The following GALNT16 variants were observed in gnomAD, a reference collection of about 807,000 sequenced individuals.
GALNT16 encodes UDP-GalNAc:polypeptide N-acetylgalactosaminyltransferase-like protein 1.
A neutral mutation model predicts 76.1 loss-of-function variants in GALNT16; 40 were observed. The ratio of observed to expected loss-of-function variants is 0.53; its 90% confidence interval spans 0.41 to 0.68. GALNT16 has a LOEUF of 0.68. Among genes scored for constraint, GALNT16 ranks in the 30% least tolerant of loss-of-function variants. The probability of loss-of-function intolerance (pLI) is 0.00; values close to 1 mark genes in which losing one functional copy is unlikely to be tolerated. For synonymous variants in GALNT16, 276 were observed against 285.2 expected (o/e 0.97, Z 0.32); for missense variants, 621 against 731.9 (o/e 0.85, Z 1.75).
At chr14:69,330,925 T>TG (rs1205370700) in intron 6 of GALNT16, among the ~76,000 whole-genome samples, 2 of 152,172 alleles carry the variant, frequency 1.3e-5, no homozygotes, top group Non-Finnish European at 2.9e-5. Flanking sequence ...ACAGTGGATG[T>TG]GGTATGAGAG....
At chr14:69,314,664 A>G (rs960554196) in intron 1 of GALNT16, among the ~76,000 whole-genome samples, 2 of 152,238 alleles carry the variant, frequency 1.3e-5, no homozygotes, top group African/African-American at 4.8e-5. Flanking sequence ...TGAGACCTTG[A>G]GCTCAGAGAT....
chr14:69,269,094 T>C (rs1329517782), intron 1 of GALNT16, among the ~76,000 whole-genome samples: 3 of 152,196 alleles, frequency 2.0e-5, no homozygotes, highest in South Asian at 2.1e-4. Flanking sequence ...TCCAGCAAGA[T>C]GGTCAAATTT....
At chr14:69,276,452 G>A (rs908738068) in intron 1 of GALNT16, among the ~76,000 whole-genome samples, 14 of 152,306 alleles carry the variant, frequency 9.2e-5, no homozygotes, top group Non-Finnish European at 1.9e-4. Context: ...GGAGGCCGAG[G>A]TGGGCGGATC....
intron 12 of GALNT16, 100 bp from the exon 13 acceptor site, chr14:69,346,940 C>G (rs188262957): frequency 2.7e-6 from 4 of 1,477,236 alleles, no homozygotes; most frequent in Middle Eastern, 1.8e-4. Context: ...CCACGGAGAC[C>G]TCGGCGCTCC....
chr14:69,322,059 A>G (rs1001519009), intron 2 of GALNT16, among the ~76,000 whole-genome samples: 19 of 152,232 alleles, frequency 1.2e-4, no homozygotes, highest in African/African-American at 4.6e-4. Context: ...CCTGAAGTCC[A>G]GGGTGCTTGG....
chr14:69,295,447 C>T (rs1043919243), intron 1 of GALNT16, among the ~76,000 whole-genome samples: 1 of 148,426 alleles, frequency 6.7e-6, no homozygotes, highest in African/African-American at 2.5e-5. Flanking sequence ...AGGCTGGGCA[C>T]AGTGGCTCAC....
intron 1 of GALNT16, among the ~76,000 whole-genome samples, chr14:69,279,262 T>G (rs547483605): frequency 6.6e-6 from 1 of 152,356 alleles, no homozygotes; most frequent in African/African-American, 2.4e-5. Context: ...TTTTGTTCAT[T>G]AAGAATTTTT....
the GALNT16 span, among the ~76,000 whole-genome samples, chr14:69,368,286 A>G: frequency 1.3e-5 from 2 of 152,136 alleles, no homozygotes; most frequent in Non-Finnish European, 2.9e-5. Flanking sequence ...ATTAACATTT[A>G]TTATCTCACA....
intron 1 of GALNT16, among the ~76,000 whole-genome samples, chr14:69,320,096 A>G (rs2045155525): frequency 6.6e-6 from 1 of 152,092 alleles, no homozygotes; most frequent in South Asian, 2.1e-4. Context: ...CCCCCCCAAT[A>G]TCCCGCAAAG....
At chr14:69,368,861 G>T in the GALNT16 span, among the ~76,000 whole-genome samples, 1 of 152,234 alleles carries the variant, frequency 6.6e-6, no homozygotes, top group African/African-American at 2.4e-5. Flanking sequence ...CTGTGGGAAA[G>T]AGCTGGCCTG....
rs1164807706 is a variant in GALNT16, at chr14:69,352,182, GCCT to G, written c.*18_*20del. ...CCACACACATGACGGTAGCCCTGGG[GCCT>G]CCTGTACCTTTTGCATGAGACTTCG... On this transcript the variant is annotated 3_prime_UTR_variant, in exon 15 of 15. Transcript: ENST00000448469. 1.3e-6 allele frequency: 2 copies of G among 1,599,158 alleles called. No homozygotes were observed. The highest frequency in any genetic ancestry group is 1.7e-6 in the Non-Finnish European group (2 of 1,171,770).
chr14:69,275,994 C>T (rs2044466339), intron 1 of GALNT16, among the ~76,000 whole-genome samples: 1 of 152,074 alleles, frequency 6.6e-6, no homozygotes, highest in Non-Finnish European at 1.5e-5. Context: ...AAGGCAGTGG[C>T]AAGAGAGAAT....
chr14:69,345,155 A>G (rs1055178394), intron 12 of GALNT16, among the ~76,000 whole-genome samples: 2 of 152,218 alleles, frequency 1.3e-5, no homozygotes, highest in African/African-American at 2.4e-5. Context: ...TCAGATTTGA[A>G]GGTTTCTATG....
chr14:69,326,055 A>C, intron 5 of GALNT16, 28 bp downstream of exon 5: 2 of 1,570,032 alleles, frequency 1.3e-6, no homozygotes, highest in Non-Finnish European at 1.8e-6. Flanking sequence ...GGGTCCCACC[A>C]AGGGCCCATC....
intron 1 of GALNT16, among the ~76,000 whole-genome samples, chr14:69,295,100 C>T (rs909646608): frequency 6.6e-6 from 1 of 152,118 alleles, no homozygotes. Context: ...TGAACCCCCA[C>T]GGGCCCATCA....
intron 1 of GALNT16, among the ~76,000 whole-genome samples, chr14:69,298,182 C>T (rs1324894532): frequency 6.6e-6 from 1 of 152,232 alleles, no homozygotes; most frequent in African/African-American, 2.4e-5. Flanking sequence ...GAGTTACAGC[C>T]TCTCAACAGC....
chr14:69,337,494 A>G (rs976397970), intron 9 of GALNT16, among the ~76,000 whole-genome samples: 11 of 152,250 alleles, frequency 7.2e-5, no homozygotes, highest in Admixed American at 6.5e-4. Context: ...CTTAACTAGC[A>G]TAACAAAGTT....
chr14:69,341,422 C>G (rs556435502), intron 11 of GALNT16, among the ~76,000 whole-genome samples: 1 of 152,344 alleles, frequency 6.6e-6, no homozygotes, highest in Admixed American at 6.5e-5. Flanking sequence ...GGCATGGTCC[C>G]GTATGGTCTG....
the GALNT16 span, among the ~76,000 whole-genome samples, chr14:69,371,813 G>T: frequency 1.7e-3 from 265 of 151,794 alleles, 4 homozygotes; most frequent in Non-Finnish European, 9.9e-4. Context: ...GCGTGGTGGC[G>T]TGAGCTTGTA....
Sources: gnomAD v4.1 joint callset for allele counts (sites outside exome capture counted in the v4.1 genomes callset) on GRCh38, gnomAD v4.1.1 for gene constraint, MANE v1.5 for transcripts, NCBI Gene and HGNC (gene_info 2026-07-23, HGNC 2026-07-21) for gene names.